The following PCNT variants were observed in gnomAD, a reference collection of about 807,000 sequenced individuals.
PCNT encodes the protein pericentrin, also known as kendrin.
Under a neutral mutation model 380.4 loss-of-function variants are expected in PCNT, and 319 were observed. The ratio of observed to expected loss-of-function variants is 0.84; its 90% confidence interval spans 0.77 to 0.92. The LOEUF (loss-of-function observed/expected upper bound fraction) is 0.92, where lower values mean the gene tolerates loss of function less well. PCNT is among the 40% of genes least tolerant of loss of function. PCNT has a pLI of 0.00. For synonymous variants in PCNT, 1,845 were observed against 1,735.2 expected, an observed-to-expected ratio of 1.06 and a Z score of -1.57; for missense variants, 4,400 against 4,255.3, an observed-to-expected ratio of 1.03 and a Z score of -0.95.
chr21:46,403,095 G>GT (rs1390185775), intron 27 of PCNT, among the ~76,000 whole-genome samples: 1 of 152,092 alleles, frequency 6.6e-6, no homozygotes, highest in Non-Finnish European at 1.5e-5. Context: ...GTGTAGAATC[G>GT]TGTGTGTGGT....
At chr21:46,360,239 T>TTTAAAGAAA (rs1375016190) in intron 13 of PCNT, among the ~76,000 whole-genome samples, 1 of 143,346 alleles carries the variant, frequency 7.0e-6, no homozygotes, top group African/African-American at 2.6e-5. Flanking sequence ...TTTTTTTTTT[T>TTTAAAGAAA]AAAGACGGAA....
intron 15 of PCNT, among the ~76,000 whole-genome samples, chr21:46,371,482 C>T (rs2085125263): frequency 6.6e-6 from 1 of 152,196 alleles, no homozygotes; most frequent in African/African-American, 2.4e-5. Context: ...AGCCTCTGCA[C>T]CTGGCCAGTG....
intron 21 of PCNT, among the ~76,000 whole-genome samples, chr21:46,392,601 A>G (rs776550345): frequency 3.3e-5 from 5 of 152,224 alleles, no homozygotes; most frequent in Non-Finnish European, 5.9e-5. Context: ...TGTGGGGTTC[A>G]GGTCGTGCCT....
At chr21:46,343,498 A>G (rs1405267541) in intron 3 of PCNT, among the ~76,000 whole-genome samples, 1 of 151,988 alleles carries the variant, frequency 6.6e-6, no homozygotes, top group Non-Finnish European at 1.5e-5. Context: ...TATCTTTTTT[A>G]TGTGCTGTTG....
chr21:46,416,525 C>T lies in PCNT; in HGVS notation c.6607C>T (p.Gln2203Ter). 1 of 1,613,838 alleles carries T rather than the reference C, an allele frequency of 6.2e-7. No individual in the cohort carries two copies. Among genetic ancestry groups the T allele is most frequent in the Non-Finnish European group, 8.5e-7 (1 of 1,180,016 alleles). Residue 2203 changes from glutamine (Q) to a stop codon, truncating the protein, a stop_gained, in exon 30 of 47, where the codon CAG becomes TAG. Coordinates refer to ENST00000359568, the MANE Select transcript of PCNT (RefSeq NM_006031.6). LOFTEE classifies it high-confidence loss of function. ...CAGCGTACTTGGTGGCTCCCGCCAC[C>T]AGAGCCACACTGCAGAGGCTGGGCC... ...PTSVLGGSRH[Q>*]SHTAEAGPRK... is the part of the protein sequence containing the mutation.
At chr21:46,360,894 A>G (rs1460391683) in intron 13 of PCNT, among the ~76,000 whole-genome samples, 1 of 152,086 alleles carries the variant, frequency 6.6e-6, no homozygotes, top group East Asian at 1.9e-4. Flanking sequence ...TGTTTAAGGT[A>G]ATTACTGGTG....
chr21:46,337,659 C>T lies in PCNT; in HGVS notation c.639+2891C>T, dbSNP rs567466151. On this transcript the variant is annotated intron_variant, in intron 3 of 46. Coordinates refer to ENST00000359568, the MANE Select transcript of PCNT (RefSeq NM_006031.6). ...GTGCAGTGGCGCGATCTCGGCTCTC[C>T]GCAATCTCCGCTTCCCGGATTCAAG... is the stretch of plus-strand genomic sequence containing the variant. 1.1e-4 allele frequency among the ~76,000 whole-genome samples: 16 copies of T among 152,260 alleles called. No homozygotes were observed. The South Asian group carries it at 2.9e-3, about 28-fold the overall frequency.
rs1444520712 is a variant in PCNT at position 46,411,846 on chromosome 21, C to G, written c.5773C>G (p.Gln1925Glu). 6.4e-7 allele frequency: 1 copy of G among 1,558,914 alleles called. No individual in the cohort carries two copies. The highest frequency in any genetic ancestry group is 2.4e-5 in the East Asian group (1 of 42,264). The part of the protein sequence containing the change: ...APPELQWLRA[Q>E]CARLSRQLQV... The stretch of plus-strand genomic sequence containing the variant: ...TCCCGAGCTGCAGTGGCTCCGAGCG[C>G]AGTGTGCCCGCCTCAGCCGCCAGCT... Residue 1925 changes from glutamine (Q) to glutamate (E), a missense_variant, in exon 28 of 47, where the codon CAG becomes GAG. Coordinates refer to ENST00000359568, the MANE Select transcript of PCNT (RefSeq NM_006031.6).
Position 46,425,101 on chromosome 21 carries a change from C to T in PCNT, c.7180-730C>T, listed in dbSNP as rs903948301. On this transcript the variant is annotated intron_variant, in intron 32 of 46. Coordinates refer to ENST00000359568, the MANE Select transcript of PCNT (RefSeq NM_006031.6). The surrounding 1 kb of genome is among the most constrained non-coding windows in gnomAD (Gnocchi z 4.2). ...CGTGTCCTGTGCTTGGGTGTGTGCT[C>T]ATGTGGTGGTGACCGCGCTGAGCCT... Among the ~76,000 whole-genome samples the T allele has an allele frequency of 6.6e-6, 1 of 152,040 alleles. No homozygotes were observed. The highest frequency in any genetic ancestry group is 2.4e-5 in the African/African-American group (1 of 41,382).
At chr21:46,426,641 A>G (rs924534892) in intron 33 of PCNT, among the ~76,000 whole-genome samples, 2 of 150,162 alleles carry the variant, frequency 1.3e-5, no homozygotes, top group South Asian at 2.1e-4. Flanking sequence ...GGTCTCTCCT[A>G]CCTCCCCCTC....
rs200303861 is a variant in PCNT, at chr21:46,416,195, G to A, written c.6277G>A (p.Asp2093Asn). The A allele has an allele frequency of 1.6e-4, 263 of 1,614,166 alleles. 3 individuals carry two copies. The Admixed American group carries it at 3.1e-3, about 19-fold the overall frequency. ...SMTFQNVDAA[D>N]TKSLWPMASA... is the part of the protein sequence containing the mutation. ...GACCTTCCAGAATGTGGATGCTGCC[G>A]ACACCAAATCTCTGTGGCCCATGGC... Residue 2093 changes from aspartate to asparagine, a missense_variant, in exon 30 of 47, where the codon GAC (aspartate) becomes AAC (asparagine). Physicochemically the swap from Asp to Asn is conservative, Grantham distance 23 (BLOSUM62 1). Transcript: ENST00000359568.
At position 46,377,981 on chromosome 21, in the gene PCNT, T is replaced by C. The variant is rs369975615; in HGVS notation, c.3166-3713T>C. On this transcript the variant is annotated intron_variant, in intron 15 of 46. Transcript: ENST00000359568. Reference sequence around the variant, plus strand: ...ACATAGACTCAGCGTGTGCCCTCGGTGTCCGCGGCTTTCACTTTGTGTGTT... The same window carrying C: ...ACATAGACTCAGCGTGTGCCCTCGGCGTCCGCGGCTTTCACTTTGTGTGTT... 5.3e-5 allele frequency among the ~76,000 whole-genome samples: 8 copies of C among 152,288 alleles called. No individual in the cohort carries two copies. In the East Asian group the frequency reaches 1.6e-3, roughly 30 times the overall value.
intron 3 of PCNT, among the ~76,000 whole-genome samples, chr21:46,335,034 T>C (rs1442806433): frequency 6.6e-6 from 1 of 152,230 alleles, no homozygotes; most frequent in Admixed American, 6.5e-5. Context: ...GTGATCTTCC[T>C]TTTTTGTTTT....
intron 14 of PCNT, among the ~76,000 whole-genome samples, chr21:46,364,407 C>T (rs1007850442): frequency 6.6e-6 from 1 of 151,350 alleles, no homozygotes; most frequent in East Asian, 2.0e-4. Flanking sequence ...CGCCCCAAAG[C>T]CCCCCAAGTC....
At chr21:46,356,866 G>A (rs1402209309) in intron 12 of PCNT, 108 bp from the exon 13 acceptor site, 3 of 891,406 alleles carry the variant, frequency 3.4e-6, no homozygotes, top group Non-Finnish European at 5.6e-6. Flanking sequence ...AATCCACAGT[G>A]TCTGCTGTCA....
chr21:46,363,999 G>A lies in PCNT; in HGVS notation c.2609+65G>A, dbSNP rs1601845628. The A allele has an allele frequency of 3.4e-6, 5 of 1,482,700 alleles. No individual in the cohort carries two copies. In the East Asian group the frequency reaches 9.0e-5, roughly 27 times the overall value. The allele number at this position is 1,482,700 out of a possible 1,614,324, so 91.8% of individuals were successfully genotyped here. ...CAGACACCTTGGAGGGTAGAAGGTGGGCAGGCTCCTGGGAGGAGGCGCTGT... is the reference window on the plus strand; with the variant it reads ...CAGACACCTTGGAGGGTAGAAGGTGAGCAGGCTCCTGGGAGGAGGCGCTGT... On this transcript the variant is annotated intron_variant, in intron 14 of 46. Transcript: ENST00000359568.
chr21:46,427,942 G>A, intron 34 of PCNT, 147 bp downstream of exon 34: 1 of 843,820 alleles, frequency 1.2e-6, no homozygotes, highest in Non-Finnish European at 1.9e-6. Flanking sequence ...CCCAGGTGTT[G>A]ACGCTCAGTC....
intron 3 of PCNT, 54 bp from the exon 4 acceptor site, chr21:46,346,074 A>T: frequency 1.3e-6 from 2 of 1,531,150 alleles, no homozygotes; most frequent in Non-Finnish European, 1.8e-6. Flanking sequence ...TGAGCACATC[A>T]CTGTGGCTTC....
chr21:46,352,683 A>G (rs1378034478), intron 9 of PCNT, among the ~76,000 whole-genome samples: 5 of 152,230 alleles, frequency 3.3e-5, no homozygotes, highest in Non-Finnish European at 7.3e-5. Context: ...GCTTACAGAA[A>G]GTCCAAGATG....
Sources: gnomAD v4.1 joint callset for allele counts (sites outside exome capture counted in the v4.1 genomes callset) on GRCh38, gnomAD v4.1.1 for gene constraint, Gnocchi (gnomAD v3.1) non-coding constraint, MANE v1.5 for transcripts, NCBI Gene and HGNC (gene_info 2026-07-23, HGNC 2026-07-21) for gene names.